Variants in DMD observed in about 807,000 individuals in gnomAD.
DMD encodes mutant dystrophin.
Under a neutral mutation model 330.1 loss-of-function variants are expected in DMD, and 63 were observed. The ratio of observed to expected loss-of-function variants is 0.19; its 90% CI spans 0.16 to 0.24. The LOEUF (loss-of-function observed/expected upper bound fraction) is 0.24, where lower values mean the gene tolerates loss of function less well. DMD is among the 10% of genes least tolerant of loss of function. DMD has a pLI of 1.00. For missense variants in DMD, 3,344 were observed against 2,684.1 expected (o/e 1.25, Z -5.43); for synonymous variants, 1,223 against 959.8 (o/e 1.27, Z -5.07).
rs971218943 is a variant in DMD at position 31,310,104 on chromosome X, C to A, written c.9224+13494G>T. On this transcript the variant is annotated intron_variant, in intron 62 of 78. Transcript: ENST00000357033. ...GTCTATTAAGGTCATTTATTCCCTT[C>A]ACATCCCCCAGGGAATAAGTCACAG... Among the ~76,000 whole-genome samples, 3 of 109,869 alleles carry A rather than the reference C, an allele frequency of 2.7e-5. No individual in the cohort carries two copies. The Admixed American group carries it at 2.9e-4, about 11-fold the overall frequency.
At chrX:31,937,935 T>A (rs907043979) in intron 45 of DMD, among the ~76,000 whole-genome samples, 25 of 112,088 alleles carry the variant, frequency 2.2e-4, no homozygotes, top group African/African-American at 7.4e-4. Flanking sequence ...AAGAATGGCT[T>A]CTGTTTGAAA....
At chrX:32,502,917 A>G (rs1460974858) in intron 18 of DMD, among the ~76,000 whole-genome samples, 1 of 111,805 alleles carries the variant, frequency 8.9e-6, no homozygotes, top group Non-Finnish European at 1.9e-5. Flanking sequence ...GTGTCATCCA[A>G]TATGATAGCC....
intron 55 of DMD, among the ~76,000 whole-genome samples, chrX:31,583,865 G>A (rs1309928341): frequency 9.3e-6 from 1 of 107,139 alleles, no homozygotes; most frequent in Non-Finnish European, 1.9e-5. Context: ...CCAGTAACTC[G>A]TCAGTTAACA....
intron 66 of DMD, among the ~76,000 whole-genome samples, chrX:31,204,811 C>G (rs1262908252): frequency 1.8e-5 from 2 of 111,965 alleles, no homozygotes; most frequent in Non-Finnish European, 3.8e-5. Flanking sequence ...TTACTGGAGA[C>G]GTGTTTCACC....
intron 7 of DMD, among the ~76,000 whole-genome samples, chrX:32,796,454 AG>A (rs2076186719): frequency 9.0e-6 from 1 of 111,322 alleles, no homozygotes; most frequent in African/African-American, 3.3e-5. Flanking sequence ...ACCAGAGGCT[AG>A]GAAGGGTAGG....
intron 62 of DMD, among the ~76,000 whole-genome samples, chrX:31,295,274 T>C (rs2054089737): frequency 9.0e-6 from 1 of 110,786 alleles, no homozygotes; most frequent in African/African-American, 3.3e-5. Flanking sequence ...GGATTACAGG[T>C]GTGAGCCACC....
intron 5 of DMD, among the ~76,000 whole-genome samples, chrX:32,819,280 C>T (rs2078024270): frequency 9.0e-6 from 1 of 110,938 alleles, no homozygotes; most frequent in Non-Finnish European, 1.9e-5. Flanking sequence ...CATCATTCTC[C>T]TGTAATTGCA....
At chrX:33,090,041 T>G (rs1435355781) in intron 1 of DMD, among the ~76,000 whole-genome samples, 1 of 111,662 alleles carries the variant, frequency 9.0e-6, no homozygotes, top group Non-Finnish European at 1.9e-5. Context: ...TGTGTAATCT[T>G]CCATAGATGT....
At chrX:31,792,610 T>C (rs1170526385) in intron 50 of DMD, among the ~76,000 whole-genome samples, 1 of 112,254 alleles carries the variant, frequency 8.9e-6, no homozygotes, top group East Asian at 2.8e-4. Context: ...AAGCAGGATA[T>C]TTCCCTGACC....
intron 76 of DMD, among the ~76,000 whole-genome samples, chrX:31,135,534 G>A (rs1374814213): frequency 8.9e-6 from 1 of 111,798 alleles, no homozygotes; most frequent in Non-Finnish European, 1.9e-5. Context: ...TATGTGAGGA[G>A]AGAATGATGA....
At chrX:31,141,248 T>C (rs1398574575) in intron 76 of DMD, among the ~76,000 whole-genome samples, 2 of 109,664 alleles carry the variant, frequency 1.8e-5, no homozygotes, top group African/African-American at 7.0e-5. Context: ...ACCAGAATGA[T>C]ATAATGCATG....
At chrX:32,977,675 A>G (rs2092593193) in intron 2 of DMD, among the ~76,000 whole-genome samples, 1 of 110,747 alleles carries the variant, frequency 9.0e-6, no homozygotes, top group South Asian at 3.8e-4. Context: ...AAAGACTTAT[A>G]TAAGATATAT....
intron 7 of DMD, among the ~76,000 whole-genome samples, chrX:32,712,659 A>T (rs2065296340): frequency 9.0e-6 from 1 of 111,379 alleles, no homozygotes; most frequent in Non-Finnish European, 1.9e-5. Context: ...CCACTTTTAA[A>T]ATATTATACT....
chrX:31,484,820 A>T (rs1419235041), intron 57 of DMD, among the ~76,000 whole-genome samples: 1 of 112,243 alleles, frequency 8.9e-6, no homozygotes, highest in Non-Finnish European at 1.9e-5. Context: ...ATTTATTTTG[A>T]ACCTATTAGG....
chrX:32,769,808 G>A (rs1159596509), intron 7 of DMD, among the ~76,000 whole-genome samples: 26 of 63,960 alleles, frequency 4.1e-4, no homozygotes, highest in African/African-American at 1.4e-3. Flanking sequence ...TACTATCCAG[G>A]AAAAACCAGA....
At chrX:32,854,027 AT>A (rs1475670309) in intron 2 of DMD, among the ~76,000 whole-genome samples, 1 of 111,809 alleles carries the variant, frequency 8.9e-6, no homozygotes, top group Non-Finnish European at 1.9e-5. Context: ...AGATATACCA[AT>A]TGTAAATATA....
intron 62 of DMD, among the ~76,000 whole-genome samples, chrX:31,295,481 T>C (rs896972975): frequency 2.7e-5 from 3 of 110,751 alleles, no homozygotes; most frequent in African/African-American, 3.3e-5. Flanking sequence ...TGGCATGATC[T>C]TGGCTCACTG....
intron 43 of DMD, among the ~76,000 whole-genome samples, chrX:32,281,466 G>C (rs140929498): frequency 8.9e-4 from 100 of 111,927 alleles, no homozygotes; most frequent in Middle Eastern, 4.7e-3. Context: ...ACACAGAAAT[G>C]TGTACACATC....
chrX:32,931,037 CTATA>C (rs927623686), intron 2 of DMD, among the ~76,000 whole-genome samples: 6 of 106,837 alleles, frequency 5.6e-5, no homozygotes, highest in South Asian at 3.9e-4. Flanking sequence ...ACAATTAATA[CTATA>C]TATATTTCAT....
Sources: allele counts gnomAD v4.1 joint callset (sites outside exome capture counted in the v4.1 genomes callset), GRCh38; gene constraint gnomAD v4.1.1; transcripts MANE v1.5; gene names NCBI Gene and HGNC (gene_info 2026-07-23, HGNC 2026-07-21).